The following DMD variants were observed in gnomAD, a reference collection of about 807,000 sequenced individuals.
DMD encodes dystrophin.
DMD carries 63 observed loss-of-function variants against 330.1 expected under a neutral mutation model. The observed-to-expected ratio is 0.19, with a 90% confidence interval of 0.16 to 0.24. DMD has a LOEUF of 0.24. Ranked by LOEUF, DMD falls within the 10% of genes least tolerant of loss-of-function variation. The probability of loss-of-function intolerance (pLI) is 1.00; values close to 1 mark genes in which losing one functional copy is unlikely to be tolerated. For synonymous variants in DMD, 1,223 were observed against 959.8 expected (o/e 1.27, Z -5.07); for missense variants, 3,344 against 2,684.1 (o/e 1.25, Z -5.43).
intron 7 of DMD, among the ~76,000 whole-genome samples, chrX:32,732,828 T>C (rs1177834538): frequency 4.5e-5 from 5 of 109,901 alleles, no homozygotes; most frequent in Non-Finnish European, 9.5e-5. Flanking sequence ...GTAAAGACCA[T>C]TGAGACTAGG....
intron 49 of DMD, among the ~76,000 whole-genome samples, chrX:31,833,917 A>G (rs1348238648): frequency 9.0e-6 from 1 of 111,253 alleles, no homozygotes; most frequent in African/African-American, 3.3e-5. Flanking sequence ...TTCTTTTTAA[A>G]GAATATCATT....
intron 51 of DMD, among the ~76,000 whole-genome samples, chrX:31,756,989 C>CTT (rs72154168): frequency 0.12 from 12,250 of 102,031 alleles, 613 homozygotes; most frequent in East Asian, 0.25. Context: ...GTTTGTTTTG[C>CTT]TTTTTTTTTT....
chrX:32,887,396 C>T (rs1269021624), intron 2 of DMD, among the ~76,000 whole-genome samples: 1 of 109,441 alleles, frequency 9.1e-6, no homozygotes, highest in African/African-American at 3.3e-5. Flanking sequence ...CTGTTATATA[C>T]AAGAATCGAC....
chrX:31,188,509 G>T (rs2148399314), intron 67 of DMD, among the ~76,000 whole-genome samples: 1 of 112,081 alleles, frequency 8.9e-6, no homozygotes, highest in African/African-American at 3.2e-5. Context: ...AGTATCAAGG[G>T]TGACCTTGTC....
chrX:32,701,424 C>A (rs192717176), intron 7 of DMD, among the ~76,000 whole-genome samples: 1 of 111,859 alleles, frequency 8.9e-6, no homozygotes, highest in Non-Finnish European at 1.9e-5. Flanking sequence ...ATATTTTGTG[C>A]ATGAACACTG....
chrX:33,205,035 C>T (rs776998529), intron 1 of DMD, among the ~76,000 whole-genome samples: 124 of 112,336 alleles, frequency 1.1e-3, no homozygotes, highest in Non-Finnish European at 2.0e-3. Context: ...GTTCACATGG[C>T]TCATGCCCTG....
chrX:31,250,310 G>C (rs998377629), intron 63 of DMD, among the ~76,000 whole-genome samples: 1 of 111,626 alleles, frequency 9.0e-6, no homozygotes, highest in Admixed American at 9.5e-5. Flanking sequence ...TTAATCTCTG[G>C]TTCCTTCCTG....
chrX:31,520,805 A>G (rs2072677252), intron 55 of DMD, among the ~76,000 whole-genome samples: 1 of 109,341 alleles, frequency 9.1e-6, no homozygotes, highest in African/African-American at 3.3e-5. Context: ...TCAGCCTCCC[A>G]AGTAGCTGGG....
At chrX:33,001,505 C>T (rs1463608393) in intron 2 of DMD, among the ~76,000 whole-genome samples, 1 of 111,459 alleles carries the variant, frequency 9.0e-6, no homozygotes, top group East Asian at 2.8e-4. Flanking sequence ...GAACCATCCT[C>T]CATTTCCCAT....
chrX:31,275,204 T>A (rs1467434789), intron 62 of DMD, among the ~76,000 whole-genome samples: 1 of 107,808 alleles, frequency 9.3e-6, no homozygotes. Flanking sequence ...TGTGTTCTTT[T>A]TGCTAGAATA....
chrX:32,793,190 C>G (rs1221325734), intron 7 of DMD, among the ~76,000 whole-genome samples: 2 of 111,665 alleles, frequency 1.8e-5, no homozygotes, highest in African/African-American at 6.5e-5. Context: ...TCCTGAATGA[C>G]CATTGGGTCA....
intron 1 of DMD, among the ~76,000 whole-genome samples, chrX:33,202,144 T>C (rs2051310745): frequency 8.9e-6 from 1 of 112,088 alleles, no homozygotes; most frequent in Non-Finnish European, 1.9e-5. Flanking sequence ...ATGGGTTTTA[T>C]TTTTAAAGAG....
At chrX:32,587,048 T>A (rs936416695) in intron 13 of DMD, among the ~76,000 whole-genome samples, 2 of 111,488 alleles carry the variant, frequency 1.8e-5, no homozygotes, top group African/African-American at 6.5e-5. Context: ...TTCCTCTTCA[T>A]AAATAACTTC....
At chrX:32,457,190 A>C (rs767533761) in intron 25 of DMD, among the ~76,000 whole-genome samples, 11 of 110,304 alleles carry the variant, frequency 1.0e-4, no homozygotes, top group African/African-American at 3.3e-4. Flanking sequence ...GAATGATGAC[A>C]CAGAAGCCAA....
chrX:33,108,881 A>AAAAAAAAAAAAAAAAAAAAAAAAAAAAG (rs1201118214), intron 1 of DMD, among the ~76,000 whole-genome samples: 1 of 99,689 alleles, frequency 1.0e-5, no homozygotes, highest in Non-Finnish European at 2.1e-5. Context: ...AAAAAAAAAA[A>AAAAAAAAAAAAAAAAAAAAAAAAAAAAG]AAGAAGAAGA....
intron 34 of DMD, among the ~76,000 whole-genome samples, chrX:32,374,046 T>C (rs902670075): frequency 2.7e-5 from 3 of 112,091 alleles, no homozygotes; most frequent in Non-Finnish European, 3.8e-5. Flanking sequence ...GGCATCTCTC[T>C]GATGATTAGT....
chrX:32,493,050 G>C (rs1021178999), intron 19 of DMD, among the ~76,000 whole-genome samples: 1 of 111,824 alleles, frequency 8.9e-6, no homozygotes, highest in Non-Finnish European at 1.9e-5. Context: ...TTCTTAAAAA[G>C]TCTGAAGAAC....
At chrX:32,405,242 G>A (rs979062157) in intron 30 of DMD, among the ~76,000 whole-genome samples, 1 of 111,539 alleles carries the variant, frequency 9.0e-6, no homozygotes, top group Non-Finnish European at 1.9e-5. Flanking sequence ...GGCTCAGCAT[G>A]GTTACTTAGA....
intron 54 of DMD, among the ~76,000 whole-genome samples, chrX:31,647,331 C>T (rs937150667): frequency 9.0e-6 from 1 of 111,597 alleles, no homozygotes; most frequent in Admixed American, 9.5e-5. Context: ...AACAACAGTT[C>T]CGTTTAAGCA....
Sources: allele counts gnomAD v4.1 joint callset (sites outside exome capture counted in the v4.1 genomes callset), GRCh38; gene constraint gnomAD v4.1.1; transcripts MANE v1.5; gene names NCBI Gene and HGNC (gene_info 2026-07-23, HGNC 2026-07-21).